PALMD: variants seen among roughly 807,000 people sequenced by gnomAD.
PALMD encodes the protein paralemmin-like protein.
A neutral mutation model predicts 56.2 loss-of-function variants in PALMD; 42 were observed. The ratio of observed to expected loss-of-function variants is 0.75; its 90% CI spans 0.58 to 0.97. The LOEUF is 0.97. Among genes scored for constraint, PALMD ranks in the 50% least tolerant of loss-of-function variants. PALMD has a pLI of 0.00. For synonymous variants in PALMD, 242 were observed against 222.9 expected, an observed-to-expected ratio of 1.09 and a Z score of -0.76; for missense variants, 660 against 643.8, an observed-to-expected ratio of 1.03 and a Z score of -0.27.
chr1:99,682,673 C>T (rs1023723899), intron 3 of PALMD, among the ~76,000 whole-genome samples: 8 of 152,028 alleles, frequency 5.3e-5, no homozygotes, highest in Admixed American at 5.2e-4. Context: ...AGACCAGGAG[C>T]TTTGTCTCTA....
At position 99,689,765 on chromosome 1, in the gene PALMD, A is replaced by G. The variant is rs144059826; in HGVS notation, c.1505A>G (p.Asn502Ser). ...ENTNHKSPHK[N>S]SISLKEQEES... ...ACAAATCATAAATCCCCCCACAAAA[A>G]TTCCATATCTCTGAAAGAGCAAGAA... Residue 502 changes from asparagine to serine, a missense_variant, in exon 7 of 8, where the codon AAT becomes AGT. Asn to Ser is a conservative substitution (Grantham distance 46, BLOSUM62 1). Coordinates refer to ENST00000263174, the MANE Select transcript of PALMD (RefSeq NM_017734.5). 5 of 1,613,886 alleles carry G rather than the reference A, an allele frequency of 3.1e-6. No individual in the cohort carries two copies. Among genetic ancestry groups the G allele is most frequent in the Non-Finnish European group, 4.2e-6 (5 of 1,179,884 alleles).
intron 2 of PALMD, among the ~76,000 whole-genome samples, chr1:99,663,492 T>C (rs1393876327): frequency 6.6e-6 from 1 of 152,026 alleles, no homozygotes; most frequent in African/African-American, 2.4e-5. Flanking sequence ...CAGTCAAATC[T>C]AGAAAGTTTT....
Position 99,681,320 on chromosome 1 carries a change from A to G in PALMD, c.252-5356A>G, listed in dbSNP as rs913911455. Among the ~76,000 whole-genome samples the G allele has an allele frequency of 5.3e-4, 80 of 152,102 alleles. 1 individual carries two copies. The highest frequency in any genetic ancestry group is 1.8e-3 in the African/African-American group (75 of 41,436). On this transcript the variant is annotated intron_variant, in intron 3 of 7. Coordinates refer to ENST00000263174, the MANE Select transcript of PALMD (RefSeq NM_017734.5). ...AAGTAAATATCTGATTTCAAATTCC[A>G]TCCTATATATTTTCCCAATACTTCA... is the stretch of plus-strand genomic sequence containing the variant.
chr1:99,688,469 CTT>C (rs58544028), intron 6 of PALMD, among the ~76,000 whole-genome samples: 11,880 of 152,092 alleles, frequency 0.078, 982 homozygotes, highest in African/African-American at 0.21. Flanking sequence ...AAGAGGATAT[CTT>C]TTTCGGTTCC....
In PALMD at chr1:99,667,787, C is replaced by T. The variant is rs1259451237; in HGVS notation, c.251+21C>T. 5 of 1,605,424 alleles carry T rather than the reference C, an allele frequency of 3.1e-6. No individual in the cohort carries two copies. The Admixed American group carries it at 8.4e-5, about 27-fold the overall frequency. On this transcript the variant is annotated intron_variant, in intron 3 of 7. Transcript: ENST00000263174. ...CTCAGGTATGGCCCTCACTGAGATACTCCACAACTACCTTTATTTTGACTT... is the reference window on the plus strand; with the variant it reads ...CTCAGGTATGGCCCTCACTGAGATATTCCACAACTACCTTTATTTTGACTT...
Position 99,694,119 on chromosome 1 carries a change from A to G in PALMD, c.*57A>G, listed in dbSNP as rs1377391730. Reference sequence around the variant, plus strand: ...AGAAGAAACTAAGAAGCATTTGCAAATTTCTCTTCTGGATATTTTGTTTAT... The same window carrying G: ...AGAAGAAACTAAGAAGCATTTGCAAGTTTCTCTTCTGGATATTTTGTTTAT... On this transcript the variant is annotated 3_prime_UTR_variant, in exon 8 of 8. Transcript: ENST00000263174. The G allele has an allele frequency of 2.5e-6, 3 of 1,196,804 alleles. No individual in the cohort carries two copies. The African/African-American group carries it at 4.6e-5, about 18-fold the overall frequency. 74.1% of individuals were successfully genotyped at this position (1,196,804 alleles called of 1,614,324 possible). A position where few individuals can be genotyped will look rare whatever the true frequency, so the allele number is the denominator to read the frequency against.
intron 2 of PALMD, among the ~76,000 whole-genome samples, chr1:99,666,299 T>C (rs754977786): frequency 1.8e-4 from 27 of 152,090 alleles, no homozygotes; most frequent in Non-Finnish European, 3.4e-4. Flanking sequence ...AAAATAATCA[T>C]CCTTTGGTAA....
At chr1:99,691,933 A>G (rs1294913063) in intron 7 of PALMD, among the ~76,000 whole-genome samples, 6 of 152,236 alleles carry the variant, frequency 3.9e-5, no homozygotes, top group African/African-American at 1.4e-4. Flanking sequence ...GAAGAAAGAA[A>G]TGGAAAAAGG....
At chr1:99,680,834 A>ATG (rs1241147314) in intron 3 of PALMD, among the ~76,000 whole-genome samples, 1 of 151,742 alleles carries the variant, frequency 6.6e-6, no homozygotes, top group Non-Finnish European at 1.5e-5. Context: ...GTATGTGTAT[A>ATG]TGTGTGTATA....
At chr1:99,664,659 G>A (rs534187920) in intron 2 of PALMD, among the ~76,000 whole-genome samples, 6 of 152,140 alleles carry the variant, frequency 3.9e-5, no homozygotes, top group Non-Finnish European at 7.4e-5. Context: ...TTCCAAAATG[G>A]GGTTCAAAAT....
chr1:99,682,772 G>A (rs764652118), intron 3 of PALMD, among the ~76,000 whole-genome samples: 21 of 151,796 alleles, frequency 1.4e-4, no homozygotes, highest in South Asian at 6.2e-4. Flanking sequence ...TTGAGAGGCC[G>A]AGGCAAGCAG....
At chr1:99,670,032 G>T (rs534299458) in intron 3 of PALMD, among the ~76,000 whole-genome samples, 2 of 152,338 alleles carry the variant, frequency 1.3e-5, no homozygotes, top group African/African-American at 4.8e-5. Flanking sequence ...CCTGTGAAAT[G>T]ATGGCACACA....
intron 2 of PALMD, among the ~76,000 whole-genome samples, chr1:99,667,306 T>C (rs1448701153): frequency 6.6e-6 from 1 of 152,100 alleles, no homozygotes; most frequent in Admixed American, 6.5e-5. Flanking sequence ...ATTATGACTG[T>C]GATAAACACA....
At chr1:99,693,672 A>G (rs1453086890) in intron 7 of PALMD, among the ~76,000 whole-genome samples, 6 of 152,198 alleles carry the variant, frequency 3.9e-5, no homozygotes, top group African/African-American at 1.2e-4. Context: ...GCAGTACATA[A>G]CTCAGAAATG....
intron 4 of PALMD, 21 bp downstream of exon 4, chr1:99,686,811 A>G: frequency 7.1e-7 from 1 of 1,415,032 alleles, no homozygotes; most frequent in Admixed American, 1.8e-5. Flanking sequence ...ACCAATTTTA[A>G]AACTGTAATT....
At chr1:99,665,723 C>T (rs574326774) in intron 2 of PALMD, among the ~76,000 whole-genome samples, 1 of 152,190 alleles carries the variant, frequency 6.6e-6, no homozygotes, top group African/African-American at 2.4e-5. Context: ...AGGAGTAAAA[C>T]TTACTTCTAT....
intron 7 of PALMD, among the ~76,000 whole-genome samples, chr1:99,690,232 G>A (rs1021559472): frequency 2.0e-5 from 3 of 152,042 alleles, no homozygotes; most frequent in East Asian, 1.9e-4. Context: ...TACTTTATTT[G>A]TGCCTCACTG....
intron 3 of PALMD, among the ~76,000 whole-genome samples, chr1:99,679,233 A>C (rs532344000): frequency 6.6e-6 from 1 of 152,304 alleles, no homozygotes; most frequent in South Asian, 2.1e-4. Flanking sequence ...TTAATTTCAT[A>C]CCTAGCATTG....
At chr1:99,658,873 G>C (rs937256598) in intron 1 of PALMD, among the ~76,000 whole-genome samples, 2 of 151,832 alleles carry the variant, frequency 1.3e-5, no homozygotes, top group East Asian at 3.9e-4. Flanking sequence ...TTGAGCCTGG[G>C]AAATTGAAAC....
Sources: allele counts gnomAD v4.1 joint callset (sites outside exome capture counted in the v4.1 genomes callset), GRCh38; gene constraint gnomAD v4.1.1; transcripts MANE v1.5; gene names NCBI Gene and HGNC (gene_info 2026-07-23, HGNC 2026-07-21).